MAPK10: variants seen among roughly 807,000 people sequenced by gnomAD.
The protein encoded by MAPK10 is JNK3 alpha protein kinase.
Under a neutral mutation model 59.3 loss-of-function variants are expected in MAPK10, and 25 were observed. The ratio of observed to expected loss-of-function variants is 0.42; its 90% CI spans 0.31 to 0.59. The LOEUF is 0.59. MAPK10 is among the 20% of genes least tolerant of loss of function. The pLI is 0.15. For missense variants in MAPK10, 351 were observed against 568.9 expected (o/e 0.62, Z 3.90); for synonymous variants, 190 against 200.5 (o/e 0.95, Z 0.44).
chr4:86,259,303 T>C (rs1200300843), intron 2 of MAPK10, among the ~76,000 whole-genome samples: 1 of 152,112 alleles, frequency 6.6e-6, no homozygotes, highest in Non-Finnish European at 1.5e-5. Context: ...CCCAAATCCA[T>C]ATATCTAATG....
chr4:86,021,471 GTA>G (rs1746817070), intron 13 of MAPK10, among the ~76,000 whole-genome samples: 1 of 152,146 alleles, frequency 6.6e-6, no homozygotes, highest in Admixed American at 6.5e-5. Context: ...GCTGACTGGT[GTA>G]TTTACAATCC....
intron 2 of MAPK10, among the ~76,000 whole-genome samples, chr4:86,319,566 C>T (rs2148888850): frequency 6.6e-6 from 1 of 152,170 alleles, no homozygotes; most frequent in East Asian, 1.9e-4. Context: ...TCTGATTTTT[C>T]AGCCTCAGCT....
rs577449000 is a variant in MAPK10, at chr4:86,550,427, A to G, written c.-263+43483T>C. On this transcript the variant is annotated intron_variant, in intron 1 of 4. Transcript: ENST00000502302. ...AAAAAAAAAACTCCAGGCCAGGCAC[A>G]GTGGCTTACGCCTGTAATCCCAGCA... is the stretch of plus-strand genomic sequence containing the variant. Among the ~76,000 whole-genome samples, 48 of 145,376 alleles carry G rather than the reference A, an allele frequency of 3.3e-4. 1 individual carries two copies. The highest frequency in any genetic ancestry group is 1.2e-3 in the African/African-American group (46 of 39,714).
chr4:86,500,214 C>T (rs1429104034), intron 1 of MAPK10, among the ~76,000 whole-genome samples: 4 of 152,076 alleles, frequency 2.6e-5, no homozygotes, highest in African/African-American at 9.7e-5. Flanking sequence ...GTGATTTGAT[C>T]CTCAAAACTA....
chr4:86,578,119 T>C (rs1028953727), intron 1 of MAPK10, among the ~76,000 whole-genome samples: 4 of 152,154 alleles, frequency 2.6e-5, no homozygotes, highest in Non-Finnish European at 4.4e-5. Flanking sequence ...GGTTTTCAAC[T>C]GGGGGTGATG....
At chr4:86,442,401 A>G (rs908638132) in intron 1 of MAPK10, among the ~76,000 whole-genome samples, 2 of 152,228 alleles carry the variant, frequency 1.3e-5, no homozygotes, top group Admixed American at 6.5e-5. Context: ...AGAAAACTAT[A>G]AGCACTTGGA....
At chr4:86,225,906 A>C (rs2090529470) in intron 2 of MAPK10, among the ~76,000 whole-genome samples, 1 of 152,236 alleles carries the variant, frequency 6.6e-6, no homozygotes, top group Non-Finnish European at 1.5e-5. Context: ...GTAGATTTAG[A>C]TATATGTATA....
chr4:86,156,502 C>G (rs1210638111), intron 4 of MAPK10, among the ~76,000 whole-genome samples: 1 of 151,966 alleles, frequency 6.6e-6, no homozygotes, highest in African/African-American at 2.4e-5. Flanking sequence ...GGCTTCACTT[C>G]CTTTCATTTA....
chr4:86,119,778 G>C (rs995947804), intron 4 of MAPK10: 2 of 152,096 alleles, frequency 1.3e-5, no homozygotes, highest in African/African-American at 2.4e-5. Flanking sequence ...GCTGACAAAA[G>C]CTGCCTAACC....
intron 10 of MAPK10, 150 bp from the exon 11 acceptor site, chr4:86,064,540 A>G: frequency 2.9e-6 from 2 of 695,832 alleles, no homozygotes; most frequent in Non-Finnish European, 4.8e-6. Context: ...AAGAAAATGC[A>G]TTTTACACCT....
intron 1 of MAPK10, among the ~76,000 whole-genome samples, chr4:86,446,587 G>T (rs1001745456): frequency 2.6e-5 from 4 of 152,052 alleles, no homozygotes; most frequent in Non-Finnish European, 5.9e-5. Context: ...AGCACATGTG[G>T]ATGGAATTAT....
intron 1 of MAPK10, among the ~76,000 whole-genome samples, chr4:86,555,860 G>A (rs1760226341): frequency 6.6e-6 from 1 of 152,088 alleles, no homozygotes; most frequent in Non-Finnish European, 1.5e-5. Context: ...TCAGAGTCAG[G>A]AAAATAAAGA....
At chr4:86,513,548 T>C (rs770349405) in intron 1 of MAPK10, among the ~76,000 whole-genome samples, 4 of 152,180 alleles carry the variant, frequency 2.6e-5, no homozygotes, top group South Asian at 2.1e-4. Flanking sequence ...TCTGGGAAAG[T>C]TGAGATCCAT....
intron 1 of MAPK10, among the ~76,000 whole-genome samples, chr4:86,466,790 G>A (rs1229299004): frequency 6.6e-6 from 1 of 152,152 alleles, no homozygotes; most frequent in Non-Finnish European, 1.5e-5. Context: ...GTACCCCTGT[G>A]AAAATATTTG....
intron 2 of MAPK10, chr4:86,332,537 G>C (rs2096178329): frequency 6.6e-6 from 1 of 152,114 alleles, no homozygotes; most frequent in Admixed American, 6.6e-5. Context: ...ATACGTTTCA[G>C]TCCACCTTCG....
At chr4:86,101,834 T>C (rs1281280677) in intron 7 of MAPK10, 60 bp downstream of exon 7, 1 of 1,568,144 alleles carries the variant, frequency 6.4e-7, no homozygotes. Context: ...AAGAAAATAA[T>C]CTACAGTTAC....
chr4:86,551,686 C>A (rs969102294), intron 1 of MAPK10, among the ~76,000 whole-genome samples: 1 of 152,168 alleles, frequency 6.6e-6, no homozygotes, highest in African/African-American at 2.4e-5. Context: ...GCTCATGCAA[C>A]CTCCACCTCC....
At chr4:86,445,129 T>C (rs546416359) in intron 1 of MAPK10, among the ~76,000 whole-genome samples, 3 of 152,306 alleles carry the variant, frequency 2.0e-5, no homozygotes, top group Non-Finnish European at 1.5e-5. Context: ...CATATGTTCA[T>C]TGCAGCATTA....
At chr4:86,240,251 GA>G (rs2092624157) in intron 2 of MAPK10, among the ~76,000 whole-genome samples, 1 of 152,210 alleles carries the variant, frequency 6.6e-6, no homozygotes, top group Admixed American at 6.5e-5. Flanking sequence ...ACTTGCTGAG[GA>G]GTGTTTTACT....
Sources: gnomAD v4.1 joint callset for allele counts (sites outside exome capture counted in the v4.1 genomes callset) on GRCh38, gnomAD v4.1.1 for gene constraint, MANE v1.5 for transcripts, NCBI Gene and HGNC (gene_info 2026-07-23, HGNC 2026-07-21) for gene names.